The following RAB3GAP1 variants were observed in gnomAD, a reference collection of about 807,000 sequenced individuals.
The protein encoded by RAB3GAP1 is rab3 GTPase-activating protein catalytic subunit.
Under a neutral mutation model 130.7 loss-of-function variants are expected in RAB3GAP1, and 86 were observed. That is an observed-to-expected ratio of 0.66 (90% CI 0.55 to 0.79). RAB3GAP1 has a LOEUF of 0.79. Among genes scored for constraint, RAB3GAP1 ranks in the 30% least tolerant of loss-of-function variants. The pLI is 0.00. For synonymous variants in RAB3GAP1, 367 were observed against 401.7 expected, an observed-to-expected ratio of 0.91 and a Z score of 1.03; for missense variants, 1,029 against 1,169.4, an observed-to-expected ratio of 0.88 and a Z score of 1.75.
chr2:135,095,899 TGAGA>T (rs375784374), intron 5 of RAB3GAP1, among the ~76,000 whole-genome samples: 19 of 150,702 alleles, frequency 1.3e-4, no homozygotes, highest in Non-Finnish European at 1.8e-4. Flanking sequence ...TAAGATATCT[TGAGA>T]GAGAGAGAGA....
chr2:135,169,992 C>A lies in RAB3GAP1; in HGVS notation c.*1211C>A. The A allele has an allele frequency of 3.6e-6, 1 of 274,620 alleles. No individual in the cohort carries two copies. The highest frequency in any genetic ancestry group is 7.2e-6 in the Non-Finnish European group (1 of 139,340). 17.0% of individuals were successfully genotyped at this position (274,620 alleles called of 1,614,324 possible). A position where few individuals can be genotyped will look rare whatever the true frequency, so the allele number is the denominator to read the frequency against. ...ATTTTTGTAAAAAAAAAAAAAAATA[C>A]ATATCTATATATAATATGTGTGTGT... On this transcript the variant is annotated 3_prime_UTR_variant, in exon 24 of 24. Transcript: ENST00000264158.
chr2:135,081,869 A>G (rs927720393), intron 3 of RAB3GAP1, among the ~76,000 whole-genome samples: 5 of 152,096 alleles, frequency 3.3e-5, no homozygotes, highest in Non-Finnish European at 5.9e-5. Context: ...GGCTGGGTGC[A>G]GTGGCTCACA....
At chr2:135,075,617 C>G (rs1689608064) in intron 3 of RAB3GAP1, among the ~76,000 whole-genome samples, 1 of 144,978 alleles carries the variant, frequency 6.9e-6, no homozygotes, top group Non-Finnish European at 1.5e-5. Context: ...AAGCATTGTT[C>G]TACATACTCT....
intron 7 of RAB3GAP1, among the ~76,000 whole-genome samples, chr2:135,116,308 A>G (rs1212436734): frequency 6.6e-6 from 1 of 151,750 alleles, no homozygotes; most frequent in Non-Finnish European, 1.5e-5. Flanking sequence ...TAAATATATT[A>G]ATTATGATAT....
intron 5 of RAB3GAP1, among the ~76,000 whole-genome samples, chr2:135,095,586 A>G (rs1043564440): frequency 6.6e-6 from 1 of 152,230 alleles, no homozygotes; most frequent in Non-Finnish European, 1.5e-5. Context: ...AATGTGATAC[A>G]TTAATGTAAG....
intron 3 of RAB3GAP1, among the ~76,000 whole-genome samples, chr2:135,084,358 C>A (rs537359698): frequency 6.6e-6 from 1 of 152,222 alleles, no homozygotes; most frequent in Non-Finnish European, 1.5e-5. Flanking sequence ...CAAACATCTT[C>A]TCCCGTTCTC....
chr2:135,080,594 C>T (rs1156644724), intron 3 of RAB3GAP1, among the ~76,000 whole-genome samples: 2 of 152,194 alleles, frequency 1.3e-5, no homozygotes, highest in Non-Finnish European at 2.9e-5. Flanking sequence ...TACCTTATGC[C>T]TACGTGAATC....
intron 17 of RAB3GAP1, among the ~76,000 whole-genome samples, chr2:135,146,199 C>CTTTTTTTTTTTT (rs1173567563): frequency 1.0e-5 from 1 of 96,594 alleles, no homozygotes; most frequent in African/African-American, 4.0e-5. Context: ...CATATTTGTT[C>CTTTTTTTTTTTT]TTTTTTTTTT....
At chr2:135,147,622 C>G (rs982515095) in intron 17 of RAB3GAP1, among the ~76,000 whole-genome samples, 27 of 148,022 alleles carry the variant, frequency 1.8e-4, no homozygotes, top group African/African-American at 4.1e-4. Context: ...CCCTCCCCCC[C>G]CCTTTTTTTT....
At chr2:135,057,007 T>C (rs539770885) in intron 2 of RAB3GAP1, among the ~76,000 whole-genome samples, 1 of 152,338 alleles carries the variant, frequency 6.6e-6, no homozygotes, top group South Asian at 2.1e-4. Context: ...GCATCATACT[T>C]AGCTTATATA....
In RAB3GAP1 at chr2:135,112,834, T is replaced by TCTCACACA. The variant is rs952841554; in HGVS notation, c.363-316_363-315insTCACACAC. 0.012 allele frequency among the ~76,000 whole-genome samples: 1,565 copies of TCTCACACA among 132,432 alleles called. 12 individuals carry two copies. Among genetic ancestry groups the TCTCACACA allele is most frequent in the Non-Finnish European group, 0.017 (1,070 of 63,484 alleles). The allele number at this position is 132,432 out of a possible 152,430, so 86.9% of individuals were successfully genotyped here. On this transcript the variant is annotated intron_variant, in intron 5 of 23. Transcript: ENST00000264158. The stretch of plus-strand genomic sequence containing the variant: ...GTCAAAGTCTCTCTCTCTCTCTCTC[T>TCTCACACA]CACACACACACACACACACACACAC...
chr2:135,067,868 C>G (rs951872267), intron 3 of RAB3GAP1, among the ~76,000 whole-genome samples: 1 of 152,140 alleles, frequency 6.6e-6, no homozygotes, highest in Non-Finnish European at 1.5e-5. Context: ...GTAGCTGGGA[C>G]TACAGGTACA....
chr2:135,095,000 T>TA (rs1326551957), intron 5 of RAB3GAP1, among the ~76,000 whole-genome samples: 3 of 152,208 alleles, frequency 2.0e-5, no homozygotes, highest in Non-Finnish European at 2.9e-5. Context: ...AATGCTGTAG[T>TA]AAACATGGGA....
At chr2:135,089,851 C>A in intron 3 of RAB3GAP1, 2 of 400,278 alleles carry the variant, frequency 5.0e-6, no homozygotes, top group Admixed American at 2.7e-5. Context: ...AAACCAAATG[C>A]TGCATGTTCT....
chr2:135,161,490 ATG>A (rs988847287), intron 19 of RAB3GAP1, among the ~76,000 whole-genome samples: 4 of 152,192 alleles, frequency 2.6e-5, no homozygotes, highest in African/African-American at 9.6e-5. Context: ...AAGGCTACAT[ATG>A]TGAAAAAAAC....
At chr2:135,154,072 A>C (rs1429719030) in intron 19 of RAB3GAP1, among the ~76,000 whole-genome samples, 196 bp downstream of exon 19, 2 of 152,246 alleles carry the variant, frequency 1.3e-5, no homozygotes, top group African/African-American at 2.4e-5. Context: ...ATAGGCATGC[A>C]TAGTTTAAAC....
intron 3 of RAB3GAP1, among the ~76,000 whole-genome samples, chr2:135,066,264 A>G (rs72976398): frequency 0.045 from 6,890 of 152,162 alleles, 533 homozygotes; most frequent in African/African-American, 0.16. Context: ...CAGATTTTAT[A>G]GGAAAGTTTA....
At position 135,093,380 on chromosome 2, in the gene RAB3GAP1, A is replaced by G. The variant is rs72978333; in HGVS notation, c.284-235A>G. On this transcript the variant is annotated intron_variant, in intron 4 of 23. Coordinates refer to ENST00000264158, the MANE Select transcript of RAB3GAP1 (RefSeq NM_012233.3). ...TGTGAGTTGTGACTCAGAAGCAAAAAAATATTTTAAACATGGGAGTGGCAT... is the reference window on the plus strand; with the variant it reads ...TGTGAGTTGTGACTCAGAAGCAAAAGAATATTTTAAACATGGGAGTGGCAT... 0.045 allele frequency among the ~76,000 whole-genome samples: 6,907 copies of G among 152,238 alleles called. 536 individuals are homozygous for G. Among genetic ancestry groups the G allele is most frequent in the African/African-American group, 0.16 (6,585 of 41,510 alleles).
At chr2:135,143,163 A>G (rs1004529688) in intron 17 of RAB3GAP1, among the ~76,000 whole-genome samples, 4 of 151,956 alleles carry the variant, frequency 2.6e-5, no homozygotes, top group African/African-American at 7.2e-5. Context: ...TCTTGTATCA[A>G]CTTTGGCAAA....
Sources: gnomAD v4.1 joint callset for allele counts (sites outside exome capture counted in the v4.1 genomes callset) on GRCh38, gnomAD v4.1.1 for gene constraint, MANE v1.5 for transcripts, NCBI Gene and HGNC (gene_info 2026-07-23, HGNC 2026-07-21) for gene names.